Variants in SCN9A observed in about 807,000 individuals in gnomAD.
SCN9A encodes the protein sodium channel protein type 9 subunit alpha.
SCN9A carries 131 observed loss-of-function variants against 187.0 expected under a neutral mutation model. The observed-to-expected ratio is 0.70, with a 90% CI of 0.61 to 0.81. The LOEUF is 0.81. SCN9A is among the 30% of genes least tolerant of loss of function. SCN9A has a pLI of 0.00. For synonymous variants in SCN9A, 809 were observed against 808.6 expected (o/e 1.00, Z -0.01); for missense variants, 2,252 against 2,396.6 (o/e 0.94, Z 1.26).
In SCN9A at chr2:166,294,654, A is replaced by G; in HGVS notation, c.910T>C (p.Tyr304His). 1 of 1,604,482 alleles carries G rather than the reference A, an allele frequency of 6.2e-7. No homozygotes were observed. The highest frequency in any genetic ancestry group is 1.1e-5 in the South Asian group (1 of 89,226). Residue 304 changes from tyrosine to histidine, a missense_variant, in exon 8 of 27, where the codon TAT becomes CAT. Physicochemically the swap from Tyr to His is moderately conservative, Grantham distance 83. Transcript: ENST00000642356. ...GCATCTTTGGATCCTTCCAAGTAAT[A>G]AAAATATTCTGTTGAAGAAGAATTT... is the stretch of plus-strand genomic sequence containing the variant. The part of the protein sequence containing the change: ...ESEEDFRKYF[Y>H]YLEGSKDALL...
rs532635443 is a variant in SCN9A at position 166,311,253 on chromosome 2, A to C, written c.258+246T>G. ...CCTAAAACTTAAAGTATAATTAAAAAAAAAAATTAAAAGTAGTATGCCAAT... is the reference window on the plus strand; with the variant it reads ...CCTAAAACTTAAAGTATAATTAAAACAAAAAATTAAAAGTAGTATGCCAAT... On this transcript the variant is annotated intron_variant, in intron 2 of 26. Coordinates refer to ENST00000642356, the MANE Select transcript of SCN9A (RefSeq NM_001365536.1). Among the ~76,000 whole-genome samples the C allele has an allele frequency of 5.9e-3, 843 of 143,406 alleles. 24 individuals are homozygous for C. The highest frequency in any genetic ancestry group is 0.021 in the African/African-American group (808 of 38,410). 94.1% of individuals were successfully genotyped at this position (143,406 alleles called of 152,430 possible).
intron 23 of SCN9A, among the ~76,000 whole-genome samples, chr2:166,227,013 T>C (rs952961635): frequency 4.6e-5 from 7 of 152,142 alleles, no homozygotes; most frequent in African/African-American, 1.7e-4. Flanking sequence ...CTAAGTGACA[T>C]ACTATGTATA....
chr2:166,232,750 TATAGAG>T (rs111810187), intron 21 of SCN9A, among the ~76,000 whole-genome samples: 65,000 of 113,622 alleles, frequency 0.57, 14,585 homozygotes, highest in East Asian at 0.64. Flanking sequence ...TATATATATA[TATAGAG>T]AGAGAGAGAG....
chr2:166,237,406 A>T (rs952261151), intron 20 of SCN9A, among the ~76,000 whole-genome samples: 2 of 152,200 alleles, frequency 1.3e-5, no homozygotes, highest in Admixed American at 1.3e-4. Context: ...AGTATTCAAC[A>T]GTTCTTTGAA....
At chr2:166,343,777 C>G (rs190358218) in intron 1 of SCN9A, among the ~76,000 whole-genome samples, 3 of 150,750 alleles carry the variant, frequency 2.0e-5, no homozygotes, top group Non-Finnish European at 4.4e-5. Context: ...GCCTGGGAGA[C>G]AGAGTGAGAT....
chr2:166,311,822 GA>G lies in SCN9A; in HGVS notation c.-50-17del. 2 of 1,435,852 alleles carry G rather than the reference GA, an allele frequency of 1.4e-6. No homozygotes were observed. The highest frequency in any genetic ancestry group is 1.9e-6 in the Non-Finnish European group (2 of 1,075,960). The allele number at this position is 1,435,852 out of a possible 1,614,324, so 88.9% of individuals were successfully genotyped here. ...CATAAGAGGCCTGGATGGAAACAAA[GA>G]AATAAAGACTTAACTATTTGCCTGC... is the stretch of plus-strand genomic sequence containing the variant. On this transcript the variant is annotated splice_polypyrimidine_tract_variant and intron_variant, in intron 1 of 26. Coordinates refer to ENST00000642356, the MANE Select transcript of SCN9A (RefSeq NM_001365536.1).
At chr2:166,271,151 T>C (rs562169406) in intron 17 of SCN9A, among the ~76,000 whole-genome samples, 2 of 152,146 alleles carry the variant, frequency 1.3e-5, no homozygotes, top group Admixed American at 1.3e-4. Flanking sequence ...CTCAAAAAAT[T>C]AAAATTTAAG....
At chr2:166,258,067 A>G (rs1696353872) in intron 17 of SCN9A, among the ~76,000 whole-genome samples, 1 of 151,556 alleles carries the variant, frequency 6.6e-6, no homozygotes, top group Admixed American at 6.6e-5. Context: ...ATAGATAACA[A>G]TAATACAAAC....
rs1037361780 is a variant in SCN9A, at chr2:166,196,994, C to T, written c.*1678G>A. ...TTGTTTCTATAGGTACGTTTAAATC[C>T]TCTTTCTTTTTAAATTGCCAGAACA... On this transcript the variant is annotated 3_prime_UTR_variant, in exon 27 of 27. Transcript: ENST00000642356. The T allele has an allele frequency of 1.3e-5, 2 of 151,954 alleles. No individual in the cohort carries two copies. Among genetic ancestry groups the T allele is most frequent in the Non-Finnish European group, 2.9e-5 (2 of 67,948 alleles). 9.4% of individuals were successfully genotyped at this position (151,954 alleles called of 1,614,324 possible). A position where few individuals can be genotyped will look rare whatever the true frequency, so the allele number is the denominator to read the frequency against.
chr2:166,345,055 G>T (rs1167851007), intron 1 of SCN9A, among the ~76,000 whole-genome samples: 1 of 151,988 alleles, frequency 6.6e-6, no homozygotes, highest in African/African-American at 2.4e-5. Flanking sequence ...ATTACTCCAG[G>T]AGTTAAAATA....
intron 1 of SCN9A, among the ~76,000 whole-genome samples, chr2:166,337,013 A>G (rs1384427830): frequency 1.3e-5 from 2 of 152,178 alleles, no homozygotes; most frequent in Non-Finnish European, 2.9e-5. Context: ...GATCAAGTCC[A>G]TATTTTGTAA....
At position 166,242,534 on chromosome 2, in the gene SCN9A, C is replaced by T; in HGVS notation, c.3595G>A (p.Val1199Ile). The change falls in exon 19 of 27, where the codon GTC becomes ATC. Residue 1199 changes from valine (V) to isoleucine (I), a missense_variant. Around this residue, in one of 7 missense-constraint regions of SCN9A, gnomAD observed 313 missense variants for 295.3 expected, o/e 1.06. Transcript: ENST00000642356. ...VEHSWFESFI[V>I]LMILLSSGAL... ...CCACTGCTGAGCAGGATCATGAGGA[C>T]AATGAAGCTTTCAAACCAACTGTGT... 1 of 1,597,342 alleles carries T rather than the reference C, an allele frequency of 6.3e-7. No individual in the cohort carries two copies. The highest frequency in any genetic ancestry group is 1.7e-4 in the Middle Eastern group (1 of 6,038).
chr2:166,365,179 G>T (rs1468638600), intron 1 of SCN9A, among the ~76,000 whole-genome samples: 1 of 151,990 alleles, frequency 6.6e-6, no homozygotes, highest in Non-Finnish European at 1.5e-5. Context: ...ATAGTAAGAG[G>T]TTCCAAGAAT....
intron 11 of SCN9A, 26 bp from the exon 12 acceptor site, chr2:166,284,850 G>C (rs778850294): frequency 2.6e-6 from 4 of 1,558,984 alleles, no homozygotes; most frequent in Non-Finnish European, 3.5e-6. Context: ...AAAAAACGTG[G>C]TTGCTGAAGC....
intron 21 of SCN9A, among the ~76,000 whole-genome samples, chr2:166,232,443 C>T (rs147131472): frequency 0.014 from 2,126 of 152,232 alleles, 48 homozygotes; most frequent in African/African-American, 0.049. Flanking sequence ...ATGGCTGATG[C>T]TGTCTCACTT....
intron 2 of SCN9A, among the ~76,000 whole-genome samples, chr2:166,309,436 A>C (rs1177029387): frequency 6.6e-6 from 1 of 152,210 alleles, no homozygotes; most frequent in Non-Finnish European, 1.5e-5. Context: ...CAAAAATGTT[A>C]TGCTAAACAA....
chr2:166,233,723 G>A (rs1179774089), intron 20 of SCN9A, among the ~76,000 whole-genome samples: 1 of 152,058 alleles, frequency 6.6e-6, no homozygotes, highest in Non-Finnish European at 1.5e-5. Flanking sequence ...TCATGCATAT[G>A]CTTTTCACAC....
At chr2:166,371,098 C>A (rs1473708429) in intron 1 of SCN9A, among the ~76,000 whole-genome samples, 1 of 152,074 alleles carries the variant, frequency 6.6e-6, no homozygotes, top group Admixed American at 6.6e-5. Context: ...TAGGTTTCAA[C>A]AGTAATATAT....
chr2:166,299,523 G>T (rs1319969878), intron 7 of SCN9A, among the ~76,000 whole-genome samples: 3 of 150,694 alleles, frequency 2.0e-5, no homozygotes, highest in Non-Finnish European at 4.4e-5. Context: ...TTATATCTTT[G>T]CTTCTTACTT....
Sources: gnomAD v4.1 joint callset for allele counts (sites outside exome capture counted in the v4.1 genomes callset) on GRCh38, gnomAD v4.1.1 for gene constraint, gnomAD v4.1.1 regional missense constraint, MANE v1.5 for transcripts, NCBI Gene and HGNC (gene_info 2026-07-23, HGNC 2026-07-21) for gene names.